Variants in C10orf90 observed in about 807,000 individuals in gnomAD.
The protein encoded by C10orf90 is (E2-independent) E3 ubiquitin-conjugating enzyme FATS.
Under a neutral mutation model 62.5 loss-of-function variants are expected in C10orf90, and 56 were observed. The ratio of observed to expected loss-of-function variants is 0.90; its 90% CI spans 0.72 to 1.12. The LOEUF is 1.12. Among genes scored for constraint, C10orf90 ranks in the 50% most tolerant of loss-of-function variants. The probability of loss-of-function intolerance (pLI) is 0.00; values close to 1 mark genes in which losing one functional copy is unlikely to be tolerated. For synonymous variants in C10orf90, 386 were observed against 340.4 expected, an observed-to-expected ratio of 1.13 and a Z score of -1.47; for missense variants, 970 against 880.4, an observed-to-expected ratio of 1.10 and a Z score of -1.29.
chr10:126,564,531 C>A (rs1279949184), intron 2 of C10orf90, among the ~76,000 whole-genome samples: 1 of 151,372 alleles, frequency 6.6e-6, no homozygotes. Context: ...GGCGCCCACC[C>A]AGTGTGAACC....
At chr10:126,513,995 A>G in intron 2 of C10orf90, 56 bp from the exon 3 acceptor site, 1 of 1,237,324 alleles carries the variant, frequency 8.1e-7, no homozygotes, top group Non-Finnish European at 1.2e-6. Flanking sequence ...ATAAAATGGA[A>G]TATATAACTC....
At chr10:126,498,012 T>C (rs1862163858) in intron 4 of C10orf90, among the ~76,000 whole-genome samples, 1 of 152,222 alleles carries the variant, frequency 6.6e-6, no homozygotes, top group African/African-American at 2.4e-5. Context: ...TTCTGCTCAA[T>C]TCTTCTGGCT....
Position 126,603,766 on chromosome 10 carries a change from G to T in C10orf90, c.313+42799C>A, listed in dbSNP as rs770974345. Among the ~76,000 whole-genome samples the T allele has an allele frequency of 1.5e-4, 23 of 152,136 alleles. 1 individual carries two copies. Among genetic ancestry groups the T allele is most frequent in the Admixed American group, 2.6e-4 (4 of 15,274 alleles). On this transcript the variant is annotated intron_variant, in intron 2 of 9. Coordinates refer to ENST00000488181, the MANE Select transcript of C10orf90 (RefSeq NM_001350921.2). ...GATAGGGAACCTCTGTCTATGAAAGGGTTCTTATATACCTCCCAGGCCGAA... is the reference window on the plus strand; with the variant it reads ...GATAGGGAACCTCTGTCTATGAAAGTGTTCTTATATACCTCCCAGGCCGAA...
At chr10:126,587,204 A>G (rs547803242) in intron 2 of C10orf90, among the ~76,000 whole-genome samples, 26 of 152,318 alleles carry the variant, frequency 1.7e-4, no homozygotes, top group African/African-American at 6.3e-4. Flanking sequence ...TGGATAACTT[A>G]TGTTTTAAAG....
chr10:126,621,041 A>T (rs1359106164), intron 2 of C10orf90, among the ~76,000 whole-genome samples: 3 of 152,216 alleles, frequency 2.0e-5, no homozygotes. Context: ...TATTAAGCAT[A>T]TTACCAAAAT....
At chr10:126,637,534 G>A (rs562885449) in intron 2 of C10orf90, among the ~76,000 whole-genome samples, 1 of 152,360 alleles carries the variant, frequency 6.6e-6, no homozygotes, top group African/African-American at 2.4e-5. Context: ...CTGAAAGCAT[G>A]ACTGCAACAG....
chr10:126,563,922 C>G (rs1276097265), intron 2 of C10orf90, among the ~76,000 whole-genome samples: 1 of 152,158 alleles, frequency 6.6e-6, no homozygotes, highest in Admixed American at 6.5e-5. Flanking sequence ...CAGGCGTTCT[C>G]AATCTCAGCA....
At chr10:126,573,887 C>A (rs540853041) in intron 2 of C10orf90, among the ~76,000 whole-genome samples, 1 of 152,192 alleles carries the variant, frequency 6.6e-6, no homozygotes. Context: ...AATTCTACCT[C>A]ATGCAGAGTG....
At chr10:126,559,080 A>C (rs1035373563) in intron 2 of C10orf90, among the ~76,000 whole-genome samples, 2 of 152,240 alleles carry the variant, frequency 1.3e-5, no homozygotes, top group African/African-American at 2.4e-5. Context: ...AACATTTTGT[A>C]AAACCATTCT....
intron 2 of C10orf90, among the ~76,000 whole-genome samples, chr10:126,603,750 C>T (rs760129915): frequency 6.6e-6 from 1 of 152,130 alleles, no homozygotes; most frequent in Non-Finnish European, 1.5e-5. Flanking sequence ...TGATAGGGAA[C>T]CTCTGTCTAT....
chr10:126,621,473 C>G (rs558923549), intron 2 of C10orf90, among the ~76,000 whole-genome samples: 1 of 152,252 alleles, frequency 6.6e-6, no homozygotes, highest in South Asian at 2.1e-4. Context: ...TCGTTGGTGG[C>G]TGGTAAGTGA....
intron 2 of C10orf90, among the ~76,000 whole-genome samples, chr10:126,570,689 G>A (rs1443131683): frequency 6.6e-6 from 1 of 152,040 alleles, no homozygotes; most frequent in Non-Finnish European, 1.5e-5. Flanking sequence ...GAAAATAAAT[G>A]AGAAACCAAA....
At chr10:126,646,054 G>T (rs1395363518) in intron 2 of C10orf90, among the ~76,000 whole-genome samples, 1 of 152,162 alleles carries the variant, frequency 6.6e-6, no homozygotes, top group Non-Finnish European at 1.5e-5. Flanking sequence ...CACAAAGAGT[G>T]GGGCAGGGGA....
chr10:126,647,269 C>G (rs536135365), intron 1 of C10orf90, among the ~76,000 whole-genome samples: 43 of 152,162 alleles, frequency 2.8e-4, no homozygotes, highest in Non-Finnish European at 4.6e-4. Context: ...CCTGTCGTCC[C>G]TTGGAGTATC....
intron 2 of C10orf90, among the ~76,000 whole-genome samples, chr10:126,541,005 T>A (rs1375780874): frequency 6.6e-6 from 1 of 151,878 alleles, no homozygotes; most frequent in African/African-American, 2.4e-5. Context: ...AAAGTGAAAT[T>A]TTCAAAAATG....
At chr10:126,463,779 A>G (rs1027810979) in intron 5 of C10orf90, among the ~76,000 whole-genome samples, 2 of 152,176 alleles carry the variant, frequency 1.3e-5, no homozygotes, top group African/African-American at 4.8e-5. Context: ...CGGCTTCCCC[A>G]TGGCCCACCA....
chr10:126,431,419 C>T (rs1857562157), intron 7 of C10orf90, among the ~76,000 whole-genome samples: 1 of 152,156 alleles, frequency 6.6e-6, no homozygotes, highest in African/African-American at 2.4e-5. Flanking sequence ...CTGCAATGGG[C>T]CAAGATGCTT....
chr10:126,598,832 A>T (rs749350191), intron 2 of C10orf90, among the ~76,000 whole-genome samples: 2 of 152,118 alleles, frequency 1.3e-5, no homozygotes, highest in Middle Eastern at 6.3e-3. Context: ...ATGGATGAAA[A>T]CTAGGGAGTC....
At chr10:126,620,114 C>A (rs2133814546) in intron 2 of C10orf90, among the ~76,000 whole-genome samples, 1 of 152,190 alleles carries the variant, frequency 6.6e-6, no homozygotes, top group South Asian at 2.1e-4. Flanking sequence ...CAAGAGTCCT[C>A]AATTTTAATT....
Sources: gnomAD v4.1 joint callset for allele counts (sites outside exome capture counted in the v4.1 genomes callset) on GRCh38, gnomAD v4.1.1 for gene constraint, MANE v1.5 for transcripts, NCBI Gene and HGNC (gene_info 2026-07-23, HGNC 2026-07-21) for gene names.